UNC45B: variants seen among roughly 807,000 people sequenced by gnomAD.
UNC45B encodes unc-45 myosin chaperone B.
In UNC45B, 78 loss-of-function variants were observed where a neutral mutation model predicts 98.7. The observed-to-expected ratio is 0.79, with a 90% CI of 0.66 to 0.95. UNC45B has a LOEUF of 0.95. UNC45B is among the 40% of genes least tolerant of loss of function. The probability of loss-of-function intolerance (pLI) is 0.00; values close to 1 mark genes in which losing one functional copy is unlikely to be tolerated. For missense variants in UNC45B, 1,225 were observed against 1,184.9 expected, an observed-to-expected ratio of 1.03 and a Z score of -0.50; for synonymous variants, 462 against 480.4, an observed-to-expected ratio of 0.96 and a Z score of 0.50.
chr17:35,158,601 C>A (rs2092080023), intron 7 of UNC45B, among the ~76,000 whole-genome samples: 1 of 152,198 alleles, frequency 6.6e-6, no homozygotes, highest in Non-Finnish European at 1.5e-5. Flanking sequence ...ATATTGATTT[C>A]CACTCTATCC....
chr17:35,171,604 G>A, intron 13 of UNC45B, 142 bp downstream of exon 13: 1 of 911,772 alleles, frequency 1.1e-6, no homozygotes, highest in Non-Finnish European at 1.6e-6. Context: ...CATTGAATAT[G>A]TTAATGGTAA....
chr17:35,173,460 A>G (rs1178432781), intron 13 of UNC45B, among the ~76,000 whole-genome samples: 3 of 151,994 alleles, frequency 2.0e-5, no homozygotes, highest in Non-Finnish European at 2.9e-5. Context: ...GGAGGTCAAG[A>G]GTCCTAAAAT....
intron 18 of UNC45B, among the ~76,000 whole-genome samples, chr17:35,183,140 C>A (rs1053700574): frequency 9.3e-5 from 14 of 151,114 alleles, no homozygotes; most frequent in Non-Finnish European, 1.6e-4. Context: ...ATCATCTACC[C>A]TGCAGGAGTC....
intron 7 of UNC45B, among the ~76,000 whole-genome samples, chr17:35,158,960 C>T (rs1171959250): frequency 6.6e-6 from 1 of 152,196 alleles, no homozygotes; most frequent in Non-Finnish European, 1.5e-5. Flanking sequence ...TGAATTCAGG[C>T]TCCCAGCATG....
Position 35,170,268 on chromosome 17 carries a change from G to A in UNC45B, c.1689+13G>A, listed in dbSNP as rs376378799. 1.1e-5 allele frequency: 18 copies of A among 1,593,490 alleles called. No individual in the cohort carries two copies. The highest frequency in any genetic ancestry group is 1.5e-5 in the Non-Finnish European group (18 of 1,166,596). On this transcript the variant is annotated intron_variant, in intron 12 of 19. Transcript: ENST00000394570. ...TGAGCTGGCCAAGGCAGGTGTCGGG[G>A]AGTCTGGCCCGACCACAAACCTCAG...
chr17:35,163,022 C>T (rs1343308605), intron 8 of UNC45B, among the ~76,000 whole-genome samples: 7 of 152,166 alleles, frequency 4.6e-5, no homozygotes, highest in Non-Finnish European at 7.4e-5. Context: ...GGAGCGTGTC[C>T]TTGCTATGTC....
At position 35,155,276 on chromosome 17, in the gene UNC45B, G is replaced by C. The variant is rs1450366028; in HGVS notation, c.640-20G>C. On this transcript the variant is annotated intron_variant, in intron 6 of 19. Coordinates refer to ENST00000394570, the MANE Select transcript of UNC45B (RefSeq NM_001267052.2). ...AGGGAGGGGCAAGGCAGCTGACCAT[G>C]GTTCTTGCTGGGGTTCTAGGCCACA... The C allele has an allele frequency of 6.2e-7, 1 of 1,611,616 alleles. No homozygotes were observed. Among genetic ancestry groups the C allele is most frequent in the East Asian group, 2.2e-5 (1 of 44,842 alleles).
At position 35,164,058 on chromosome 17, in the gene UNC45B, C is replaced by A; in HGVS notation, c.1043C>A (p.Thr348Asn). 6.2e-7 allele frequency: 1 copy of A among 1,614,088 alleles called. No homozygotes were observed. Among genetic ancestry groups the A allele is most frequent in the Non-Finnish European group, 8.5e-7 (1 of 1,180,006 alleles). The change falls in exon 9 of 20, where the codon ACT becomes AAT. Residue 348 changes from threonine (T) to asparagine (N), a missense_variant. Thr to Asn is a moderately conservative substitution (Grantham distance 65). Coordinates refer to ENST00000394570, the MANE Select transcript of UNC45B (RefSeq NM_001267052.2). Reference protein sequence around the residue: ...VPDLPSCLPLTDNTRMLASIL... With the variant: ...VPDLPSCLPLNDNTRMLASIL... Reference sequence around the variant, plus strand: ...GATCTGCCATCCTGCCTGCCCCTGACTGACAACACCCGCATGCTGGCCTCT... The same window carrying A: ...GATCTGCCATCCTGCCTGCCCCTGAATGACAACACCCGCATGCTGGCCTCT...
At chr17:35,150,411 G>C (rs1374519951) in intron 4 of UNC45B, among the ~76,000 whole-genome samples, 188 bp downstream of exon 4, 1 of 152,208 alleles carries the variant, frequency 6.6e-6, no homozygotes, top group Non-Finnish European at 1.5e-5. Flanking sequence ...TGTGATGCTT[G>C]TTTGAGGGCA....
intron 15 of UNC45B, among the ~76,000 whole-genome samples, chr17:35,176,350 T>TA (rs1239575027): frequency 6.6e-6 from 1 of 152,162 alleles, no homozygotes; most frequent in Non-Finnish European, 1.5e-5. Flanking sequence ...GCAAAATACT[T>TA]AATCTCCCAG....
chr17:35,170,588 CA>C (rs1296274688), intron 12 of UNC45B, among the ~76,000 whole-genome samples: 9 of 148,986 alleles, frequency 6.0e-5, no homozygotes, highest in Non-Finnish European at 1.2e-4. Flanking sequence ...GTAATTCCAG[CA>C]CTTCAGGAGG....
intron 14 of UNC45B, among the ~76,000 whole-genome samples, 167 bp from the exon 15 acceptor site, chr17:35,175,801 C>T (rs577593412): frequency 5.8e-4 from 89 of 152,218 alleles, no homozygotes; most frequent in Non-Finnish European, 9.7e-4. Context: ...ATGATGTCAT[C>T]TTCCCAAAGT....
In UNC45B at chr17:35,150,218, G is replaced by A. The variant is rs2092007465; in HGVS notation, c.376G>A (p.Glu126Lys). ...MLRRLNTSIQ[E>K]KLRVQFSTDS... is the part of the protein sequence containing the mutation. The stretch of plus-strand genomic sequence containing the variant: ...GAGGAGACTCAACACCAGCATTCAG[G>A]AGAAGGTGAGCTGGGCCTCTTCCCA... Residue 126 changes from glutamate to lysine, a missense_variant, in exon 4 of 20, where the codon GAG becomes AAG. Coordinates refer to ENST00000394570, the MANE Select transcript of UNC45B (RefSeq NM_001267052.2). 2 of 1,608,610 alleles carry A rather than the reference G, an allele frequency of 1.2e-6. No homozygotes were observed. Among genetic ancestry groups the A allele is most frequent in the African/African-American group, 2.7e-5 (2 of 74,804 alleles).
intron 7 of UNC45B, among the ~76,000 whole-genome samples, chr17:35,158,665 G>A (rs2092080466): frequency 6.6e-6 from 1 of 152,210 alleles, no homozygotes; most frequent in South Asian, 2.1e-4. Context: ...GAGCCTCACA[G>A]AAGGAGTCTG....
chr17:35,157,225 TTTTATTTATTTATA>T (rs2092069710), intron 7 of UNC45B, among the ~76,000 whole-genome samples: 1 of 151,894 alleles, frequency 6.6e-6, no homozygotes, highest in African/African-American at 2.4e-5. Flanking sequence ...TATAATTTAT[TTTTATTTATTTATA>T]TTTATTTATT....
At position 35,187,831 on chromosome 17, in the gene UNC45B, AG is replaced by A. The variant is rs2092313006; in HGVS notation, c.*1273del. The A allele has an allele frequency of 6.6e-6, 1 of 152,258 alleles. No homozygotes were observed. Among genetic ancestry groups the A allele is most frequent in the African/African-American group, 2.4e-5 (1 of 41,472 alleles). The allele number at this position is 152,258 out of a possible 1,614,324, so 9.4% of individuals were successfully genotyped here. On this transcript the variant is annotated 3_prime_UTR_variant, in exon 20 of 20. Coordinates refer to ENST00000394570, the MANE Select transcript of UNC45B (RefSeq NM_001267052.2). The stretch of plus-strand genomic sequence containing the variant: ...AGCATGGTTAAGATAGCTAAGATCT[AG>A]TACTGTCACTCCAGTATGTCCCAAT...
intron 2 of UNC45B, 85 bp from the exon 3 acceptor site, chr17:35,148,888 C>A: frequency 6.5e-7 from 1 of 1,527,542 alleles, no homozygotes; most frequent in Non-Finnish European, 9.0e-7. Flanking sequence ...AGGAAACCCT[C>A]TCCCCACACT....
At chr17:35,169,202 G>A (rs1278403613) in intron 10 of UNC45B, among the ~76,000 whole-genome samples, 3 of 151,722 alleles carry the variant, frequency 2.0e-5, no homozygotes, top group Non-Finnish European at 4.4e-5. Context: ...ACCACACCCT[G>A]CTAATTTTTG....
At chr17:35,168,024 G>C in intron 9 of UNC45B, 37 bp from the exon 10 acceptor site, 1 of 1,425,132 alleles carries the variant, frequency 7.0e-7, no homozygotes, top group Non-Finnish European at 9.2e-7. Flanking sequence ...CACTCTCTTG[G>C]ACCAGTTCTC....
Sources: gnomAD v4.1 joint callset for allele counts (sites outside exome capture counted in the v4.1 genomes callset) on GRCh38, gnomAD v4.1.1 for gene constraint, MANE v1.5 for transcripts, NCBI Gene and HGNC (gene_info 2026-07-23, HGNC 2026-07-21) for gene names.